The following ZBTB38 variants were observed in gnomAD, a reference collection of about 807,000 sequenced individuals.
The protein encoded by ZBTB38 is zinc finger and BTB domain-containing protein 38.
Under a neutral mutation model 76.8 loss-of-function variants are expected in ZBTB38, and 20 were observed. The ratio of observed to expected loss-of-function variants is 0.26; its 90% CI spans 0.18 to 0.38. ZBTB38 has a LOEUF of 0.38. Ranked by LOEUF, ZBTB38 falls within the 10% of genes least tolerant of loss-of-function variation. The pLI is 1.00. For missense variants in ZBTB38, 1,082 were observed against 1,482.3 expected (o/e 0.73, Z 4.43); for synonymous variants, 504 against 544.2 (o/e 0.93, Z 1.03).
chr3:141,396,507 A>G, intron 4 of ZBTB38: 1 of 168,734 alleles, frequency 5.9e-6, no homozygotes, highest in Non-Finnish European at 1.3e-5. Flanking sequence ...ACTCCTGGTA[A>G]TGTTGATATT....
chr3:141,328,328 C>G (rs1942737852), intron 1 of ZBTB38, among the ~76,000 whole-genome samples: 1 of 152,196 alleles, frequency 6.6e-6, no homozygotes, highest in South Asian at 2.1e-4. Context: ...TGTCTACAGC[C>G]ATCCCCATTT....
chr3:141,327,700 G>A (rs781064793), intron 1 of ZBTB38, among the ~76,000 whole-genome samples: 1 of 152,198 alleles, frequency 6.6e-6, no homozygotes, highest in Non-Finnish European at 1.5e-5. Context: ...TACTATATCT[G>A]TATTGGCCTG....
At chr3:141,429,754 T>G (rs1272694722) in intron 5 of ZBTB38, among the ~76,000 whole-genome samples, 1 of 152,130 alleles carries the variant, frequency 6.6e-6, no homozygotes, top group Non-Finnish European at 1.5e-5. Context: ...CGAGGCGACA[T>G]TTGAGCTGGG....
intron 5 of ZBTB38, among the ~76,000 whole-genome samples, chr3:141,422,816 C>A (rs961400040): frequency 6.6e-6 from 1 of 152,116 alleles, no homozygotes; most frequent in Admixed American, 6.5e-5. Flanking sequence ...CAGTTATTGA[C>A]TGTATTTATC....
At position 141,445,868 on chromosome 3, in the gene ZBTB38, C is replaced by T. The variant is rs79840656; in HGVS notation, c.3480C>T (p.Asp1160=). 1.4e-3 allele frequency: 2,313 copies of T among 1,612,900 alleles called. 27 individuals carry two copies. In the African/African-American group the frequency reaches 0.028, roughly 20 times the overall value. The change falls in exon 6 of 6, where the codon GAC becomes GAT. Residue 1160 remains aspartate, a synonymous_variant. Coordinates refer to ENST00000321464, the MANE Select transcript of ZBTB38 (RefSeq NM_001376113.1). This position sits in a 1 kb window ranked among gnomAD's most constrained non-coding sequence, Gnocchi z 6.5. ...KSPSQQEKIG[D]VCHENSNPLE... ...CAAGTCAGCAGGAGAAAATAGGTGA[C>T]GTGTGCCACGAAAACTCAAATCCCT...
intron 1 of ZBTB38, among the ~76,000 whole-genome samples, chr3:141,369,648 G>A (rs957042579): frequency 6.6e-6 from 1 of 152,138 alleles, no homozygotes; most frequent in Non-Finnish European, 1.5e-5. Context: ...TATAGCTGAC[G>A]TACCAGGGGA....
chr3:141,403,152 G>C (rs1952942877), intron 4 of ZBTB38: 1 of 152,200 alleles, frequency 6.6e-6, no homozygotes, highest in African/African-American at 2.4e-5. Flanking sequence ...CACTGCGGTA[G>C]GTAAGTGCCT....
intron 2 of ZBTB38, among the ~76,000 whole-genome samples, chr3:141,375,100 T>A (rs1027416171): frequency 1.3e-5 from 2 of 152,218 alleles, no homozygotes; most frequent in African/African-American, 4.8e-5. Flanking sequence ...CAAAAAAAAT[T>A]AGGAAACTCT....
chr3:141,334,122 A>G (rs946938589), intron 1 of ZBTB38, among the ~76,000 whole-genome samples: 3 of 152,138 alleles, frequency 2.0e-5, no homozygotes, highest in Non-Finnish European at 4.4e-5. Context: ...TTCTAGCACT[A>G]GACAGACCAT....
intron 1 of ZBTB38, among the ~76,000 whole-genome samples, chr3:141,338,785 C>G (rs560535460): frequency 6.6e-6 from 1 of 152,080 alleles, no homozygotes; most frequent in South Asian, 2.1e-4. Flanking sequence ...CATTGTACCC[C>G]CTGAACCGAA....
intron 1 of ZBTB38, among the ~76,000 whole-genome samples, chr3:141,327,120 G>C (rs1024248119): frequency 1.3e-5 from 2 of 152,116 alleles, no homozygotes; most frequent in African/African-American, 2.4e-5. Flanking sequence ...TTCTTAAAAG[G>C]GTGTCTGAAA....
At chr3:141,410,247 A>AC (rs1279025444) in intron 5 of ZBTB38, among the ~76,000 whole-genome samples, 3 of 152,024 alleles carry the variant, frequency 2.0e-5, no homozygotes, top group African/African-American at 7.3e-5. Flanking sequence ...AACCCTCTAC[A>AC]CTTGAGGAAA....
intron 1 of ZBTB38, among the ~76,000 whole-genome samples, chr3:141,348,127 C>T (rs969789410): frequency 6.6e-6 from 1 of 152,002 alleles, no homozygotes; most frequent in Non-Finnish European, 1.5e-5. Context: ...TTGTATTTGC[C>T]CATAACATTT....
Position 141,400,970 on chromosome 3 carries a change from A to G in ZBTB38, c.-105-2957A>G, listed in dbSNP as rs117938141. Among the ~76,000 whole-genome samples, 60 of 152,338 alleles carry G rather than the reference A, an allele frequency of 3.9e-4. No individual in the cohort carries two copies. In the East Asian group the frequency reaches 9.4e-3, roughly 24 times the overall value. ...AGGGAAACACAGAGAGCAATACTGC[A>G]TACTAGCACTTCCCAACCCTGGTTC... is the stretch of plus-strand genomic sequence containing the variant. On this transcript the variant is annotated intron_variant, in intron 4 of 5. Transcript: ENST00000321464.
At chr3:141,356,045 A>C (rs1943652593) in intron 1 of ZBTB38, among the ~76,000 whole-genome samples, 2 of 151,994 alleles carry the variant, frequency 1.3e-5, no homozygotes, top group South Asian at 4.2e-4. Flanking sequence ...TTCATGGGTG[A>C]ACACTCAGCC....
At chr3:141,402,476 G>C (rs1034662486) in intron 4 of ZBTB38, 1 of 149,350 alleles carries the variant, frequency 6.7e-6, no homozygotes, top group East Asian at 1.9e-4. Context: ...GGGTCTTCGC[G>C]GGGCCGGGGG....
At chr3:141,397,064 G>A (rs1342487819) in intron 4 of ZBTB38, among the ~76,000 whole-genome samples, 1 of 152,226 alleles carries the variant, frequency 6.6e-6, no homozygotes, top group Non-Finnish European at 1.5e-5. Flanking sequence ...ATTTATGAAA[G>A]TCCTAGGTGA....
chr3:141,419,905 T>C (rs2074971748), intron 5 of ZBTB38, among the ~76,000 whole-genome samples: 2 of 152,148 alleles, frequency 1.3e-5, no homozygotes, highest in South Asian at 4.1e-4. Context: ...GAGAATCGCT[T>C]GAACCCAGGA....
chr3:141,402,168 G>A (rs750037098), intron 4 of ZBTB38, among the ~76,000 whole-genome samples: 8 of 152,146 alleles, frequency 5.3e-5, no homozygotes, highest in Non-Finnish European at 1.0e-4. Flanking sequence ...CGGGCATGGG[G>A]CCTTACGGGG....
Sources: gnomAD v4.1 joint callset for allele counts (sites outside exome capture counted in the v4.1 genomes callset) on GRCh38, gnomAD v4.1.1 for gene constraint, Gnocchi (gnomAD v3.1) non-coding constraint, MANE v1.5 for transcripts, NCBI Gene and HGNC (gene_info 2026-07-23, HGNC 2026-07-21) for gene names.